The following RBFOX1 variants were observed in gnomAD, a reference collection of about 807,000 sequenced individuals.
The protein encoded by RBFOX1 is RNA binding fox-1 homolog 1.
Under a neutral mutation model 57.7 loss-of-function variants are expected in RBFOX1, and 8 were observed. The observed-to-expected ratio is 0.14, with a 90% CI of 0.08 to 0.25. The LOEUF is 0.25. RBFOX1 is among the 10% of genes least tolerant of loss of function. The pLI, the probability that RBFOX1 is intolerant of heterozygous loss-of-function variation, is 1.00. For synonymous variants in RBFOX1, 326 were observed against 222.4 expected, an observed-to-expected ratio of 1.47 and a Z score of -4.15; for missense variants, 611 against 548.5, an observed-to-expected ratio of 1.11 and a Z score of -1.14.
intron 2 of RBFOX1, among the ~76,000 whole-genome samples, chr16:6,381,779 C>T (rs1307716412): frequency 2.6e-5 from 4 of 152,192 alleles, no homozygotes; most frequent in African/African-American, 9.7e-5. Flanking sequence ...CTGGGTCTGC[C>T]CTGTGTCCCT....
chr16:7,354,879 G>C (rs1393331195), intron 4 of RBFOX1, among the ~76,000 whole-genome samples: 3 of 152,194 alleles, frequency 2.0e-5, no homozygotes, highest in Non-Finnish European at 4.4e-5. Flanking sequence ...CTGCTGGACA[G>C]CTCTATGCTA....
At chr16:7,071,547 G>T (rs902491393) in intron 4 of RBFOX1, among the ~76,000 whole-genome samples, 1 of 151,316 alleles carries the variant, frequency 6.6e-6, no homozygotes, top group Non-Finnish European at 1.5e-5. Flanking sequence ...ACAAATTGTT[G>T]TTGGGGTCAC....
intron 3 of RBFOX1, among the ~76,000 whole-genome samples, chr16:7,034,292 G>A (rs146318542): frequency 5.9e-5 from 9 of 152,146 alleles, no homozygotes; most frequent in African/African-American, 2.2e-4. Flanking sequence ...ACTGGGTAAG[G>A]TCCCTGTAAG....
At position 7,380,409 on chromosome 16, in the gene RBFOX1, TTATGTC is replaced by T. The variant is rs777958579; in HGVS notation, c.28-137733_28-137728del. Among the ~76,000 whole-genome samples the T allele has an allele frequency of 1.0e-3, 154 of 152,336 alleles. 2 individuals are homozygous for T. Among genetic ancestry groups the T allele is most frequent in the Middle Eastern group, 3.4e-3 (1 of 294 alleles). Reference sequence around the variant, plus strand: ...ACATATATGCTTAATATAAATGACTTTATGTCTATGACTCTGTTACCACTTAAAAAT... The same window carrying T: ...ACATATATGCTTAATATAAATGACTTTATGACTCTGTTACCACTTAAAAAT... On this transcript the variant is annotated intron_variant, in intron 4 of 15. Coordinates refer to ENST00000550418, the MANE Select transcript of RBFOX1 (RefSeq NM_018723.4).
chr16:5,642,193 C>T (rs28575671), intron 3 of RBFOX1, among the ~76,000 whole-genome samples: 1 of 152,192 alleles, frequency 6.6e-6, no homozygotes, highest in Admixed American at 6.5e-5. Flanking sequence ...GTTTTGATCC[C>T]TTCACTGCCC....
chr16:5,953,340 C>G (rs112826891), intron 4 of RBFOX1, among the ~76,000 whole-genome samples: 1 of 152,028 alleles, frequency 6.6e-6, no homozygotes, highest in African/African-American at 2.4e-5. Flanking sequence ...AAAATTATTT[C>G]CATAGGTTAT....
At chr16:6,283,984 G>T (rs79700082) in intron 1 of RBFOX1, among the ~76,000 whole-genome samples, 1 of 152,150 alleles carries the variant, frequency 6.6e-6, no homozygotes, top group Non-Finnish European at 1.5e-5. Context: ...TTCCTTTTTC[G>T]TGTTGATCTT....
intron 3 of RBFOX1, among the ~76,000 whole-genome samples, chr16:6,790,465 G>A (rs935955864): frequency 5.3e-5 from 8 of 152,236 alleles, no homozygotes; most frequent in Admixed American, 4.6e-4. Context: ...GAATACAGGC[G>A]TGAGGCACTG....
rs538942731 is a variant in RBFOX1 at position 6,734,972 on chromosome 16, T to C, written c.-16+80322T>C. 7.9e-5 allele frequency among the ~76,000 whole-genome samples: 12 copies of C among 152,210 alleles called. No individual in the cohort carries two copies. In the South Asian group the frequency reaches 1.2e-3, roughly 16 times the overall value. Reference sequence around the variant, plus strand: ...ATGGGCAACACAGTGAGACTGTGTTTCTATAATTTTTTTTTAAAGTAGCCT... The same window carrying C: ...ATGGGCAACACAGTGAGACTGTGTTCCTATAATTTTTTTTTAAAGTAGCCT... On this transcript the variant is annotated intron_variant, in intron 3 of 15. Coordinates refer to ENST00000550418, the MANE Select transcript of RBFOX1 (RefSeq NM_018723.4).
intron 1 of RBFOX1, among the ~76,000 whole-genome samples, chr16:5,272,392 A>C (rs1458429812): frequency 6.6e-6 from 1 of 152,204 alleles, no homozygotes; most frequent in African/African-American, 2.4e-5. Context: ...TCAAAGCCCC[A>C]TTTGGCATTG....
intron 4 of RBFOX1, among the ~76,000 whole-genome samples, chr16:7,351,602 C>T (rs2097131148): frequency 1.3e-5 from 2 of 152,214 alleles, no homozygotes; most frequent in Admixed American, 1.3e-4. Context: ...ATACTCTGCT[C>T]TTGAGCTCAC....
intron 3 of RBFOX1, among the ~76,000 whole-genome samples, chr16:5,845,408 A>G (rs929166730): frequency 4.6e-5 from 7 of 152,150 alleles, no homozygotes; most frequent in African/African-American, 1.7e-4. Flanking sequence ...AGCCCAGGGA[A>G]TATTGGTCTC....
intron 4 of RBFOX1, among the ~76,000 whole-genome samples, chr16:7,241,856 A>T (rs1316538169): frequency 2.6e-5 from 4 of 152,038 alleles, no homozygotes; most frequent in Non-Finnish European, 5.9e-5. Flanking sequence ...AAATATGTAT[A>T]TAAGTATATA....
In RBFOX1 at chr16:5,856,181, C is replaced by CTATA. The variant is rs1436879098; in HGVS notation, c.319-11121_319-11120insATAT. 3.7e-3 allele frequency among the ~76,000 whole-genome samples: 184 copies of CTATA among 49,988 alleles called. 1 individual carries two copies. The highest frequency in any genetic ancestry group is 5.3e-3 in the Non-Finnish European group (147 of 27,664). The allele number at this position is 49,988 out of a possible 152,430, so 32.8% of individuals were successfully genotyped here. ...TCTCTCTCTCTCTCTCTCTCTCTCT[C>CTATA]TCTCTCTATATATATATATATATAT... is the stretch of plus-strand genomic sequence containing the variant. On this transcript the variant is annotated intron_variant, in intron 3 of 19. Coordinates refer to the RBFOX1 transcript ENST00000641259.
chr16:5,529,907 A>C (rs916121246), intron 2 of RBFOX1, among the ~76,000 whole-genome samples: 2 of 152,130 alleles, frequency 1.3e-5, no homozygotes, highest in Non-Finnish European at 2.9e-5. Context: ...ACACAGGGAG[A>C]GAACACCAGT....
chr16:7,413,596 C>A (rs901549554), intron 4 of RBFOX1, among the ~76,000 whole-genome samples: 2 of 152,024 alleles, frequency 1.3e-5, no homozygotes, highest in African/African-American at 2.4e-5. Flanking sequence ...CACCCCCCTG[C>A]CCCCTGCCTG....
At chr16:6,873,386 G>C (rs2061289133) in intron 3 of RBFOX1, among the ~76,000 whole-genome samples, 1 of 152,108 alleles carries the variant, frequency 6.6e-6, no homozygotes, top group Non-Finnish European at 1.5e-5. Flanking sequence ...TTTGAGTTAT[G>C]TAAGCAGAAT....
chr16:7,044,484 TG>T (rs1477142847), intron 3 of RBFOX1, among the ~76,000 whole-genome samples: 1 of 152,176 alleles, frequency 6.6e-6, no homozygotes, highest in Non-Finnish European at 1.5e-5. Context: ...GATGAATCCC[TG>T]CTATTAAACA....
chr16:6,141,018 C>T (rs1050353034), intron 1 of RBFOX1, among the ~76,000 whole-genome samples: 1 of 152,124 alleles, frequency 6.6e-6, no homozygotes, highest in African/African-American at 2.4e-5. Context: ...TGACTCTCTG[C>T]CCTCCCACAT....
Sources: gnomAD v4.1 joint callset for allele counts (sites outside exome capture counted in the v4.1 genomes callset) on GRCh38, gnomAD v4.1.1 for gene constraint, MANE v1.5 for transcripts, NCBI Gene and HGNC (gene_info 2026-07-23, HGNC 2026-07-21) for gene names.